CARD14: variants seen among roughly 807,000 people sequenced by gnomAD.
The protein encoded by CARD14 is caspase recruitment domain family member 14, also known as caspase recruitment domain-containing protein 14.
Under a neutral mutation model 111.5 loss-of-function variants are expected in CARD14, and 107 were observed. The observed-to-expected ratio is 0.96, with a 90% CI of 0.82 to 1.13. The LOEUF is 1.13. CARD14 is among the 50% of genes most tolerant of loss of function. CARD14 has a pLI of 0.00. For synonymous variants in CARD14, 617 were observed against 579.6 expected (o/e 1.06, Z -0.93); for missense variants, 1,322 against 1,362.3 (o/e 0.97, Z 0.47).
chr17:80,192,232 T>G (rs1001657957), intron 11 of CARD14: 2 of 342,292 alleles, frequency 5.8e-6, no homozygotes, highest in African/African-American at 4.2e-5. Context: ...GTGTGTATTA[T>G]ACATTATTCG....
Position 80,201,600 on chromosome 17 carries a change from G to C in CARD14, c.1852-144G>C. ...GGCCCCACAGAGGCTCTGGTGTGTG[G>C]CTTTGTTTTGACCAAGGCGTGCAGG... On this transcript the variant is annotated intron_variant, in intron 16 of 23. Transcript: ENST00000648509. This position sits in a 1 kb window ranked among gnomAD's most constrained non-coding sequence, Gnocchi z 5.0. 3 of 800,038 alleles carry C rather than the reference G, an allele frequency of 3.7e-6. No individual in the cohort carries two copies. The highest frequency in any genetic ancestry group is 6.4e-6 in the Non-Finnish European group (3 of 466,950). 49.6% of individuals were successfully genotyped at this position (800,038 alleles called of 1,614,324 possible).
In CARD14 at chr17:80,181,532, C is replaced by T. The variant is rs895639722; in HGVS notation, c.94C>T (p.Arg32Cys). Residue 32 changes from arginine (R) to cysteine (C), a missense_variant, in exon 5 of 24, where the codon CGC becomes TGC. By Grantham distance (180) the Arg-to-Cys change is radical (BLOSUM62 -3). Transcript: ENST00000648509. ...MMESHRHRIV[R>C]CICPSRLTPY... ...GGAGAGCCACCGCCACAGGATCGTA[C>T]GCTGCATCTGCCCCAGCCGCCTCAC... The T allele has an allele frequency of 2.5e-5, 39 of 1,584,892 alleles. No homozygotes were observed. The highest frequency in any genetic ancestry group is 1.8e-4 in the South Asian group (16 of 86,684).
At position 80,195,522 on chromosome 17, in the gene CARD14, A is replaced by T. The variant is rs2040680020; in HGVS notation, c.1500-36A>T. On this transcript the variant is annotated intron_variant, in intron 13 of 23. Transcript: ENST00000648509. This position sits in a 1 kb window ranked among gnomAD's most constrained non-coding sequence, Gnocchi z 4.7. ...CGTGGGGACTCAGAGGGAGCAGGTG[A>T]TGCAGTTTGAGCCTGCTGCTGCTTA... 1 of 1,582,718 alleles carries T rather than the reference A, an allele frequency of 6.3e-7. No individual in the cohort carries two copies. The highest frequency in any genetic ancestry group is 1.7e-5 in the Admixed American group (1 of 58,088).
At chr17:80,178,120 C>T (rs11656150) in intron 2 of CARD14, among the ~76,000 whole-genome samples, 438 of 152,326 alleles carry the variant, frequency 2.9e-3, no homozygotes, top group Non-Finnish European at 4.3e-3. Flanking sequence ...CTGCCCACCC[C>T]GGCCTCTGCG....
intron 21 of CARD14, 136 bp downstream of exon 21, chr17:80,205,341 T>C (rs747625268): frequency 6.4e-5 from 74 of 1,156,526 alleles, no homozygotes; most frequent in Non-Finnish European, 8.3e-5. Context: ...ACCTGCTGTG[T>C]CCAGATAGTT....
chr17:80,175,752 C>T (rs1229995682), intron 2 of CARD14, among the ~76,000 whole-genome samples: 1 of 151,986 alleles, frequency 6.6e-6, no homozygotes, highest in Non-Finnish European at 1.5e-5. Context: ...GGATGGGGGC[C>T]CAGCCTAGGC....
intron 18 of CARD14, chr17:80,202,694 C>G (rs1180374976): frequency 5.3e-6 from 6 of 1,124,782 alleles, no homozygotes; most frequent in Non-Finnish European, 5.9e-6. Flanking sequence ...ACGTTTGGGG[C>G]TGGATCCCCG....
chr17:80,208,010 C>A (rs1405049778), intron 23 of CARD14, 128 bp from the exon 24 acceptor site: 1 of 623,210 alleles, frequency 1.6e-6, no homozygotes, highest in Non-Finnish European at 2.6e-6. Context: ...ATTTTCTTTA[C>A]AAGGTCCCCT....
rs1226637914 is a variant in CARD14 at position 80,189,002 on chromosome 17, G to A, written c.843+458G>A. ...GGAGTTTCAGGCTGCAGGGAGCTGA[G>A]ATCACGCCACTGCACTCCAGCCTGG... On this transcript the variant is annotated intron_variant, in intron 8 of 23. Coordinates refer to ENST00000648509, the MANE Select transcript of CARD14 (RefSeq NM_001366385.1). The surrounding 1 kb of genome is among the most constrained non-coding windows in gnomAD (Gnocchi z 4.7). Among the ~76,000 whole-genome samples the A allele has an allele frequency of 6.6e-6, 1 of 152,200 alleles. No homozygotes were observed. Among genetic ancestry groups the A allele is most frequent in the Non-Finnish European group, 1.5e-5 (1 of 68,044 alleles).
rs749480979 is a variant in CARD14 at position 80,191,331 on chromosome 17, C to T, written c.1098C>T (p.Ser366=). 1.7e-5 allele frequency: 27 copies of T among 1,612,682 alleles called. No homozygotes were observed. The highest frequency in any genetic ancestry group is 2.1e-5 in the Non-Finnish European group (25 of 1,179,106). ...CCCGTCGTGGCCCACAGGCGTACTC[C>T]GCGAGGGACAGTGCTCAGAGGGAGA... is the stretch of plus-strand genomic sequence containing the variant. ...ELQKERDQAY[S]ARDSAQREIS... is the part of the protein sequence containing the mutation. Residue 366 remains serine (S), a synonymous_variant, in exon 11 of 24, where the codon TCC becomes TCT. Transcript: ENST00000648509.
chr17:80,184,195 AG>A lies in CARD14; in HGVS notation c.633del (p.Lys212ArgfsTer18). ...LSLHYSNALQ[E>X]KELAASRCRS... ...CTGCACTATAGCAATGCGCTGCAGG[AG>A]AAGGAGCTGGCCGCCTCACGCTGCC... On this transcript the variant is annotated frameshift_variant, in exon 7 of 24. Coordinates refer to ENST00000648509, the MANE Select transcript of CARD14 (RefSeq NM_001366385.1). LOFTEE classifies it high-confidence loss of function. The A allele has an allele frequency of 6.4e-7, 1 of 1,557,944 alleles. No homozygotes were observed. The highest frequency in any genetic ancestry group is 8.7e-7 in the Non-Finnish European group (1 of 1,150,982).
chr17:80,177,019 G>C (rs1391230464), intron 2 of CARD14, among the ~76,000 whole-genome samples: 2 of 152,206 alleles, frequency 1.3e-5, no homozygotes, highest in African/African-American at 4.8e-5. Context: ...AAATGTATTT[G>C]CTCATGGTTC....
Position 80,208,335 on chromosome 17 carries a change from GC to G in CARD14, c.3010del (p.Arg1004AspfsTer18). The G allele has an allele frequency of 1.3e-6, 2 of 1,597,006 alleles. No homozygotes were observed. Among genetic ancestry groups the G allele is most frequent in the Non-Finnish European group, 1.7e-6 (2 of 1,171,462 alleles). On this transcript the variant is annotated frameshift_variant, in exon 24 of 24. Coordinates refer to ENST00000648509, the MANE Select transcript of CARD14 (RefSeq NM_001366385.1). LOFTEE classifies it high-confidence loss of function. Reference protein sequence around the residue: ...EQKKVVWTEQSPR With the variant: ...EQKKVVWTEQXPR ...AAGAAGGTGGTGTGGACGGAGCAGA[GC>G]CCCCGATGATGCACCGTGCCCCTTC...
At chr17:80,179,603 TAGACAGATCACCTGAGCCC>T (rs1406525989) in intron 4 of CARD14, among the ~76,000 whole-genome samples, 3 of 152,136 alleles carry the variant, frequency 2.0e-5, no homozygotes, top group Admixed American at 1.3e-4. Flanking sequence ...GAGGCTGAGG[TAGACAGATCACCTGAGCCC>T]AGAAGTTCGA....
In CARD14 at chr17:80,172,685, T is replaced by C. The variant is rs544621388; in HGVS notation, c.-689-221T>C. On this transcript the variant is annotated intron_variant, in intron 1 of 23. Transcript: ENST00000648509. ...TGAGAGAGAAAGGTGGCACCGTTGATCATTACTCCAGGACAAGAGTCATAA... is the reference window on the plus strand; with the variant it reads ...TGAGAGAGAAAGGTGGCACCGTTGACCATTACTCCAGGACAAGAGTCATAA... 2.0e-5 allele frequency among the ~76,000 whole-genome samples: 3 copies of C among 152,174 alleles called. No individual in the cohort carries two copies. The East Asian group carries it at 5.8e-4, about 29-fold the overall frequency.
At position 80,203,615 on chromosome 17, in the gene CARD14, G is replaced by A. The variant is rs1042000838; in HGVS notation, c.2220-207G>A. ...ATCAGCATCTCCAGGGGTGGGCCGA[G>A]GCCCTGGAGTCTTTTGAAAGCTCTG... On this transcript the variant is annotated intron_variant, in intron 18 of 23. Coordinates refer to ENST00000648509, the MANE Select transcript of CARD14 (RefSeq NM_001366385.1). This position sits in a 1 kb window ranked among gnomAD's most constrained non-coding sequence, Gnocchi z 4.6. 1 of 507,450 alleles carries A rather than the reference G, an allele frequency of 2.0e-6. No individual in the cohort carries two copies. The highest frequency in any genetic ancestry group is 2.0e-5 in the African/African-American group (1 of 50,508). 31.4% of individuals were successfully genotyped at this position (507,450 alleles called of 1,614,324 possible).
rs1271564503 is a variant in CARD14, at chr17:80,203,981, G to A, written c.2283+96G>A. The A allele has an allele frequency of 1.9e-6, 2 of 1,049,838 alleles. No homozygotes were observed. The highest frequency in any genetic ancestry group is 3.2e-5 in the African/African-American group (2 of 62,422). The allele number at this position is 1,049,838 out of a possible 1,614,324, so 65.0% of individuals were successfully genotyped here. ...GCAGGAGGCACTGTGTGGAGAGTGG[G>A]CTGCTGATTGGAGGGTAACCCCACC... On this transcript the variant is annotated intron_variant, in intron 19 of 23. Transcript: ENST00000648509. This position sits in a 1 kb window ranked among gnomAD's most constrained non-coding sequence, Gnocchi z 4.6.
chr17:80,189,244 T>C lies in CARD14; in HGVS notation c.844-509T>C, dbSNP rs1165559009. On this transcript the variant is annotated intron_variant, in intron 8 of 23. Transcript: ENST00000648509. The surrounding 1 kb of genome is among the most constrained non-coding windows in gnomAD (Gnocchi z 4.7). ...TCAGGTGCACTGGAGAGAGGGGGGCTCTGAAGTGGAGCAGTGAGTGAGCAA... is the reference window on the plus strand; with the variant it reads ...TCAGGTGCACTGGAGAGAGGGGGGCCCTGAAGTGGAGCAGTGAGTGAGCAA... Among the ~76,000 whole-genome samples the C allele has an allele frequency of 7.9e-5, 12 of 152,144 alleles. No individual in the cohort carries two copies.
rs574982768 is a variant in CARD14 at position 80,184,209 on chromosome 17, G to A, written c.646G>A (p.Ala216Thr). Residue 216 changes from alanine (A) to threonine (T), a missense_variant, in exon 7 of 24, where the codon GCC becomes ACC. Physicochemically the swap from Ala to Thr is moderately conservative, Grantham distance 58. Transcript: ENST00000648509. The stretch of plus-strand genomic sequence containing the variant: ...TGCGCTGCAGGAGAAGGAGCTGGCC[G>A]CCTCACGCTGCCGCAGCCTGCAGGA... Reference protein sequence around the residue: ...SNALQEKELAASRCRSLQEEL... With the variant: ...SNALQEKELATSRCRSLQEEL... The A allele has an allele frequency of 5.1e-5, 79 of 1,543,960 alleles. No individual in the cohort carries two copies. The highest frequency in any genetic ancestry group is 2.4e-4 in the East Asian group (10 of 41,550).
Sources: gnomAD v4.1 joint callset for allele counts (sites outside exome capture counted in the v4.1 genomes callset) on GRCh38, gnomAD v4.1.1 for gene constraint, Gnocchi (gnomAD v3.1) non-coding constraint, MANE v1.5 for transcripts, NCBI Gene and HGNC (gene_info 2026-07-23, HGNC 2026-07-21) for gene names.